IL1RAPL1: variants seen among roughly 807,000 people sequenced by gnomAD.
The protein encoded by IL1RAPL1 is interleukin-1 receptor accessory protein-like 1.
IL1RAPL1 carries 3 observed loss-of-function variants against 48.4 expected under a neutral mutation model. The ratio of observed to expected loss-of-function variants is 0.06; its 90% confidence interval spans 0.03 to 0.16. The LOEUF (loss-of-function observed/expected upper bound fraction) is 0.16, where lower values mean the gene tolerates loss of function less well. Among genes scored for constraint, IL1RAPL1 ranks in the 10% least tolerant of loss-of-function variants. IL1RAPL1 has a pLI of 1.00. For synonymous variants in IL1RAPL1, 185 were observed against 187.7 expected, an observed-to-expected ratio of 0.99 and a Z score of 0.12; for missense variants, 349 against 530.6, an observed-to-expected ratio of 0.66 and a Z score of 3.36.
At chrX:29,417,837 C>T (rs1248923301) in intron 5 of IL1RAPL1, among the ~76,000 whole-genome samples, 7 of 109,584 alleles carry the variant, frequency 6.4e-5, no homozygotes, top group Admixed American at 5.9e-4. Context: ...TTACATACTG[C>T]CATCATTTGA....
intron 6 of IL1RAPL1, among the ~76,000 whole-genome samples, chrX:29,870,060 C>G (rs1931770490): frequency 9.0e-6 from 1 of 111,708 alleles, no homozygotes; most frequent in South Asian, 3.8e-4. Context: ...TGGAAAATGA[C>G]TGGCGGAAGC....
At chrX:29,167,815 G>A (rs915647948) in intron 2 of IL1RAPL1, among the ~76,000 whole-genome samples, 1 of 109,830 alleles carries the variant, frequency 9.1e-6, no homozygotes, top group Non-Finnish European at 1.9e-5. Flanking sequence ...CCAATAAATC[G>A]GCTTACTTAC....
intron 2 of IL1RAPL1, among the ~76,000 whole-genome samples, chrX:28,874,210 T>C (rs1158214276): frequency 9.0e-6 from 1 of 111,607 alleles, no homozygotes; most frequent in Admixed American, 9.5e-5. Context: ...TTTTAGAAAG[T>C]GTTTTTGTTC....
chrX:29,636,865 C>T (rs901020239), intron 5 of IL1RAPL1, among the ~76,000 whole-genome samples: 1 of 110,575 alleles, frequency 9.0e-6, no homozygotes, highest in African/African-American at 3.3e-5. Context: ...ATGGAGAAAC[C>T]CCGTCTCTAC....
At chrX:29,318,733 A>G (rs1440840487) in intron 3 of IL1RAPL1, among the ~76,000 whole-genome samples, 1 of 112,505 alleles carries the variant, frequency 8.9e-6, no homozygotes, top group Non-Finnish European at 1.9e-5. Context: ...GGCTAATCAT[A>G]ATATGACAGG....
chrX:29,684,703 G>C (rs955942133), intron 6 of IL1RAPL1, among the ~76,000 whole-genome samples: 15 of 111,492 alleles, frequency 1.3e-4, no homozygotes, highest in South Asian at 3.8e-4. Context: ...AGGCACTTAG[G>C]AAAATGGAAG....
intron 3 of IL1RAPL1, among the ~76,000 whole-genome samples, chrX:29,362,019 A>T (rs1933383457): frequency 8.9e-6 from 1 of 112,224 alleles, no homozygotes; most frequent in Non-Finnish European, 1.9e-5. Context: ...AAGTGATATT[A>T]TGTCAACACT....
intron 2 of IL1RAPL1, among the ~76,000 whole-genome samples, chrX:29,015,248 C>A (rs1174640014): frequency 9.0e-6 from 1 of 110,828 alleles, no homozygotes; most frequent in African/African-American, 3.3e-5. Flanking sequence ...AATATGAATT[C>A]TAAAATAATT....
chrX:28,914,242 G>A (rs1181823183), intron 2 of IL1RAPL1, among the ~76,000 whole-genome samples: 1 of 110,477 alleles, frequency 9.1e-6, no homozygotes, highest in Non-Finnish European at 1.9e-5. Context: ...TCTATACTTA[G>A]GACTCTATAC....
intron 2 of IL1RAPL1, among the ~76,000 whole-genome samples, chrX:28,882,045 T>C (rs1189367744): frequency 9.4e-6 from 1 of 106,821 alleles, no homozygotes; most frequent in East Asian, 2.9e-4. Context: ...ATGAACTCTA[T>C]GTAGGAGAAA....
Position 29,002,916 on chromosome X carries a change from T to TACACACAC in IL1RAPL1, c.82+213510_82+213517dup, listed in dbSNP as rs371924976. Among the ~76,000 whole-genome samples the TACACACAC allele has an allele frequency of 1.0e-3, 108 of 103,004 alleles. 1 individual carries two copies. The highest frequency in any genetic ancestry group is 3.2e-3 in the African/African-American group (91 of 28,089). 89.4% of individuals were successfully genotyped at this position (103,004 alleles called of 115,157 possible). On this transcript the variant is annotated intron_variant, in intron 2 of 10. Coordinates refer to ENST00000378993, the MANE Select transcript of IL1RAPL1 (RefSeq NM_014271.4). ...TAAGGAAATCAACCAGTTATGTGTG[T>TACACACAC]ACACACACACACACACACACACACA...
At chrX:29,936,936 T>G (rs1189683251) in intron 8 of IL1RAPL1, among the ~76,000 whole-genome samples, 2 of 111,989 alleles carry the variant, frequency 1.8e-5, no homozygotes, top group Non-Finnish European at 3.8e-5. Context: ...AACAATTTAT[T>G]CCAAAGCAGT....
intron 5 of IL1RAPL1, among the ~76,000 whole-genome samples, chrX:29,654,312 G>T (rs1446594561): frequency 1.8e-5 from 2 of 111,478 alleles, no homozygotes; most frequent in African/African-American, 6.5e-5. Context: ...AGCAAGTGCT[G>T]AAGTTGAATA....
At chrX:28,971,160 A>G (rs891466494) in intron 2 of IL1RAPL1, among the ~76,000 whole-genome samples, 4 of 111,560 alleles carry the variant, frequency 3.6e-5, no homozygotes, top group Non-Finnish European at 7.5e-5. Flanking sequence ...CAACCATCTC[A>G]GTAACTAACA....
chrX:29,084,127 G>A (rs770372799), intron 2 of IL1RAPL1, among the ~76,000 whole-genome samples: 4 of 111,449 alleles, frequency 3.6e-5, no homozygotes, highest in Non-Finnish European at 7.5e-5. Flanking sequence ...TTCAGCATGG[G>A]AGCAATGAAA....
chrX:29,264,907 T>G (rs1931925072), intron 2 of IL1RAPL1, among the ~76,000 whole-genome samples: 1 of 111,218 alleles, frequency 9.0e-6, no homozygotes, highest in Admixed American at 9.6e-5. Flanking sequence ...TTCTGTTTCT[T>G]TAATTTTTTT....
At chrX:29,320,921 A>G (rs1162070505) in intron 3 of IL1RAPL1, among the ~76,000 whole-genome samples, 1 of 111,222 alleles carries the variant, frequency 9.0e-6, no homozygotes, top group Non-Finnish European at 1.9e-5. Context: ...TATTATTATT[A>G]ATAATATTGC....
chrX:29,006,645 A>ATGTGTGTGTGTG (rs1399219653), intron 2 of IL1RAPL1, among the ~76,000 whole-genome samples: 8 of 80,066 alleles, frequency 1.0e-4, no homozygotes, highest in Admixed American at 3.2e-4. Context: ...GTGTTTATAT[A>ATGTGTGTGTGTG]TATGTGTGTG....
intron 6 of IL1RAPL1, among the ~76,000 whole-genome samples, chrX:29,713,209 A>C (rs1384384575): frequency 8.9e-6 from 1 of 111,747 alleles, no homozygotes; most frequent in Admixed American, 9.6e-5. Context: ...CTATAAAGGA[A>C]ATGTTTCTTG....
Sources: allele counts gnomAD v4.1 joint callset (sites outside exome capture counted in the v4.1 genomes callset), GRCh38; gene constraint gnomAD v4.1.1; transcripts MANE v1.5; gene names NCBI Gene and HGNC (gene_info 2026-07-23, HGNC 2026-07-21).